Variants in COL5A2 observed in about 807,000 individuals in gnomAD.
COL5A2 encodes collagen type V alpha 2 chain, also known as collagen alpha-2(V) chain.
Under a neutral mutation model 208.2 loss-of-function variants are expected in COL5A2, and 23 were observed. That is an observed-to-expected ratio of 0.11 (90% CI 0.08 to 0.16). The LOEUF (loss-of-function observed/expected upper bound fraction) is 0.16. COL5A2 is among the 10% of genes least tolerant of loss of function. The pLI, the probability that COL5A2 is intolerant of heterozygous loss-of-function variation, is 1.00. For missense variants in COL5A2, 1,590 were observed against 1,956.4 expected (o/e 0.81, Z 3.53); for synonymous variants, 625 against 628.5 (o/e 0.99, Z 0.08).
chr2:189,098,417 G>C (rs878871953), intron 5 of COL5A2, among the ~76,000 whole-genome samples: 1 of 152,148 alleles, frequency 6.6e-6, no homozygotes, highest in South Asian at 2.1e-4. Context: ...CAACACACAA[G>C]TATGCCCTAA....
At chr2:189,324,684 T>C in the COL5A2 span, among the ~76,000 whole-genome samples, 2 of 152,196 alleles carry the variant, frequency 1.3e-5, no homozygotes, top group African/African-American at 4.8e-5. Flanking sequence ...TTGGAGAGGA[T>C]GTGGAGAAAT....
At chr2:189,427,447 G>C in the COL5A2 span, among the ~76,000 whole-genome samples, 1 of 152,252 alleles carries the variant, frequency 6.6e-6, no homozygotes, top group African/African-American at 2.4e-5. Flanking sequence ...GGACAATGCA[G>C]AAGGAAAATG....
the COL5A2 span, among the ~76,000 whole-genome samples, chr2:189,427,802 A>G: frequency 0.013 from 1,952 of 152,272 alleles, 53 homozygotes; most frequent in African/African-American, 0.044. Context: ...GCACAGGCCT[A>G]TAGACTCTTT....
At chr2:189,244,943 G>A in the COL5A2 span, among the ~76,000 whole-genome samples, 1 of 152,216 alleles carries the variant, frequency 6.6e-6, no homozygotes. Context: ...GGAGGAGCAA[G>A]TCATGTCTTA....
chr2:189,274,442 G>A, the COL5A2 span, among the ~76,000 whole-genome samples: 1 of 152,116 alleles, frequency 6.6e-6, no homozygotes, highest in African/African-American at 2.4e-5. Flanking sequence ...TCCTAACCTT[G>A]GGTTCAGCCT....
At chr2:189,292,506 C>T in the COL5A2 span, among the ~76,000 whole-genome samples, 1 of 152,154 alleles carries the variant, frequency 6.6e-6, no homozygotes, top group Non-Finnish European at 1.5e-5. Context: ...TGAAAAAATG[C>T]TCACCATCAC....
At chr2:189,058,284 C>T (rs1045398527) in intron 33 of COL5A2, 145 bp downstream of exon 33, 20 of 740,540 alleles carry the variant, frequency 2.7e-5, no homozygotes, top group African/African-American at 1.4e-4. Context: ...GCCTAGTAAG[C>T]GCTCATTAAA....
intron 27 of COL5A2, 29 bp downstream of exon 27, chr2:189,063,143 G>T: frequency 6.2e-7 from 1 of 1,611,376 alleles, no homozygotes; most frequent in Non-Finnish European, 8.5e-7. Flanking sequence ...TCATGATGAG[G>T]TGGCCAACAT....
intron 1 of COL5A2, among the ~76,000 whole-genome samples, chr2:189,128,665 A>G (rs1198957679): frequency 1.3e-5 from 2 of 151,988 alleles, no homozygotes; most frequent in Non-Finnish European, 1.5e-5. Flanking sequence ...AAGCATCTCT[A>G]GTATTTTGAT....
intron 7 of COL5A2, among the ~76,000 whole-genome samples, chr2:189,089,215 ATTCT>A (rs1388899225): frequency 1.4e-4 from 21 of 152,184 alleles, no homozygotes; most frequent in African/African-American, 5.1e-4. Flanking sequence ...TTTGGATGAT[ATTCT>A]TTCTTTGTTC....
At chr2:189,141,175 G>T (rs937355255) in intron 1 of COL5A2, among the ~76,000 whole-genome samples, 2 of 152,186 alleles carry the variant, frequency 1.3e-5, no homozygotes. Context: ...GTCTGGTAAG[G>T]AAGCCGACTT....
intron 8 of COL5A2, among the ~76,000 whole-genome samples, chr2:189,088,480 T>G (rs986040215): frequency 2.6e-5 from 4 of 152,208 alleles, no homozygotes; most frequent in Admixed American, 6.5e-5. Flanking sequence ...AGACCTTTAT[T>G]AATGTCAGCA....
At chr2:189,182,527 T>G (rs1688794721), upstream of COL5A2, among the ~76,000 whole-genome samples, 2 of 152,122 alleles carry the variant, frequency 1.3e-5, no homozygotes, top group Non-Finnish European at 2.9e-5. Flanking sequence ...ACCACCACAC[T>G]GTCCCCAGGA....
chr2:189,326,306 G>A, the COL5A2 span, among the ~76,000 whole-genome samples: 1 of 152,100 alleles, frequency 6.6e-6, no homozygotes, highest in African/African-American at 2.4e-5. Flanking sequence ...TTAATTTGTA[G>A]GATGATGGTG....
chr2:189,092,204 A>G, intron 7 of COL5A2, 106 bp downstream of exon 7: 1 of 773,428 alleles, frequency 1.3e-6, no homozygotes, highest in South Asian at 1.5e-5. Context: ...AACTGCTCTT[A>G]CAGTCAAGTG....
At chr2:189,240,184 G>A in the COL5A2 span, among the ~76,000 whole-genome samples, 1 of 152,140 alleles carries the variant, frequency 6.6e-6, no homozygotes, top group Non-Finnish European at 1.5e-5. Context: ...ATTGGGTCAG[G>A]CTGCTATAAC....
rs564969829 is a variant in COL5A2, at chr2:189,080,172, T to C, written c.907-141A>G. 3 of 678,358 alleles carry C rather than the reference T, an allele frequency of 4.4e-6. No individual in the cohort carries two copies. In the Admixed American group the frequency reaches 8.2e-5, roughly 19 times the overall value. 42.0% of individuals were successfully genotyped at this position (678,358 alleles called of 1,614,324 possible). A position where few individuals can be genotyped will look rare whatever the true frequency, so the allele number is the denominator to read the frequency against. On this transcript the variant is annotated intron_variant, in intron 13 of 53. Transcript: ENST00000374866. The stretch of plus-strand genomic sequence containing the variant: ...AGTTGTTGCTCAAAATACTTTCAAA[T>C]TCTCAAACTTTTCTGAAAGCTTATT...
chr2:189,379,704 C>T, the COL5A2 span, among the ~76,000 whole-genome samples: 1 of 152,148 alleles, frequency 6.6e-6, no homozygotes, highest in Non-Finnish European at 1.5e-5. Flanking sequence ...ATAACTTGCT[C>T]AACTTTTCAT....
the COL5A2 span, among the ~76,000 whole-genome samples, chr2:189,241,542 A>C: frequency 8.5e-5 from 13 of 152,180 alleles, no homozygotes; most frequent in African/African-American, 3.1e-4. Context: ...ATAAATAAAA[A>C]AATTAGAAGG....
Sources: allele counts gnomAD v4.1 joint callset (sites outside exome capture counted in the v4.1 genomes callset), GRCh38; gene constraint gnomAD v4.1.1; transcripts MANE v1.5; gene names NCBI Gene and HGNC (gene_info 2026-07-23, HGNC 2026-07-21).